Variants in ADAM23 observed in about 807,000 individuals in gnomAD.
The protein encoded by ADAM23 is ADAM metallopeptidase domain 23, also known as disintegrin and metalloproteinase domain-containing protein 23.
Under a neutral mutation model 120.1 loss-of-function variants are expected in ADAM23, and 33 were observed. The ratio of observed to expected loss-of-function variants is 0.27; its 90% CI spans 0.21 to 0.37. ADAM23 has a LOEUF of 0.37. Ranked by LOEUF, ADAM23 falls within the 10% of genes least tolerant of loss-of-function variation. The pLI, the probability that ADAM23 is intolerant of heterozygous loss-of-function variation, is 1.00. For missense variants in ADAM23, 862 were observed against 1,058.2 expected (o/e 0.81, Z 2.57); for synonymous variants, 367 against 375.2 (o/e 0.98, Z 0.25).
chr2:206,505,112 A>G (rs55914934), intron 3 of ADAM23, among the ~76,000 whole-genome samples: 13,491 of 152,216 alleles, frequency 0.089, 675 homozygotes, highest in Admixed American at 0.16. Flanking sequence ...CCTACTAGCT[A>G]TAGAATTTTC....
At chr2:206,458,776 C>G (rs978080716) in intron 2 of ADAM23, among the ~76,000 whole-genome samples, 1 of 152,216 alleles carries the variant, frequency 6.6e-6, no homozygotes, top group African/African-American at 2.4e-5. Context: ...CCCACCTCCT[C>G]TCTTTTCCCC....
At position 206,445,424 on chromosome 2, in the gene ADAM23, T is replaced by C. The variant is rs764288042; in HGVS notation, c.332T>C (p.Ile111Thr). 7 of 1,613,848 alleles carry C rather than the reference T, an allele frequency of 4.3e-6. No homozygotes were observed. Among genetic ancestry groups the C allele is most frequent in the Non-Finnish European group, 5.9e-6 (7 of 1,180,000 alleles). ...TACAGCAATGCAATGCAGAAAGAAA[T>C]CACACTGCCTTCAAGACTCATATAT... ...ISYSNAMQKE[I>T]TLPSRLIYYI... Residue 111 changes from isoleucine to threonine, a missense_variant, in exon 2 of 26, where the codon ATC (isoleucine) becomes ACC (threonine). Ile to Thr is a moderately conservative substitution (Grantham distance 89). Transcript: ENST00000264377.
chr2:206,562,756 A>C (rs979141878), intron 13 of ADAM23, among the ~76,000 whole-genome samples: 3 of 152,236 alleles, frequency 2.0e-5, no homozygotes, highest in Non-Finnish European at 4.4e-5. Context: ...TTGGAGAAAA[A>C]GGCTTTGCAA....
At chr2:206,498,460 G>A (rs1265378839) in intron 3 of ADAM23, among the ~76,000 whole-genome samples, 1 of 152,182 alleles carries the variant, frequency 6.6e-6, no homozygotes, top group Non-Finnish European at 1.5e-5. Flanking sequence ...GTAGAAAGCT[G>A]AAACTGGATC....
chr2:206,570,421 A>G lies in ADAM23; in HGVS notation c.1495-319A>G, dbSNP rs1697972444. Among the ~76,000 whole-genome samples the G allele has an allele frequency of 5.3e-5, 8 of 152,314 alleles. No homozygotes were observed. The South Asian group carries it at 1.7e-3, about 32-fold the overall frequency. The stretch of plus-strand genomic sequence containing the variant: ...ATTAGCAATGCATTTTAGCTCCATT[A>G]GCAAATATGAAAAGTGATCTATTCC... On this transcript the variant is annotated intron_variant, in intron 15 of 25. Coordinates refer to ENST00000264377, the MANE Select transcript of ADAM23 (RefSeq NM_003812.4).
At chr2:206,590,820 T>C (rs1236296558) in intron 21 of ADAM23, among the ~76,000 whole-genome samples, 2 of 152,190 alleles carry the variant, frequency 1.3e-5, no homozygotes, top group Non-Finnish European at 2.9e-5. Flanking sequence ...CCTGAAGTAG[T>C]CAAAATCCAT....
intron 15 of ADAM23, among the ~76,000 whole-genome samples, chr2:206,569,459 G>C (rs1697953679): frequency 6.6e-6 from 1 of 152,124 alleles, no homozygotes; most frequent in Non-Finnish European, 1.5e-5. Flanking sequence ...CAAGCGTTTT[G>C]AATGTATGTA....
intron 2 of ADAM23, among the ~76,000 whole-genome samples, chr2:206,478,171 C>T (rs530610074): frequency 5.9e-5 from 9 of 151,716 alleles, no homozygotes; most frequent in South Asian, 2.1e-4. Context: ...ACTGTCTAAG[C>T]ACTTGCAGAA....
chr2:206,545,589 C>T (rs974914097), intron 6 of ADAM23, among the ~76,000 whole-genome samples: 11 of 151,900 alleles, frequency 7.2e-5, no homozygotes, highest in Non-Finnish European at 1.6e-4. Context: ...TTGGTTATGG[C>T]GATGTATGTA....
At position 206,561,186 on chromosome 2, in the gene ADAM23, C is replaced by A. The variant is rs769432922; in HGVS notation, c.1228C>A (p.Arg410Ser). 6.2e-7 allele frequency: 1 copy of A among 1,613,832 alleles called. No individual in the cohort carries two copies. The highest frequency in any genetic ancestry group is 8.5e-7 in the Non-Finnish European group (1 of 1,179,934). ...GAGTTACTTTGGAGGTGTCTGTTCT[C>A]GCACAAGAGGAGTTGGTGTGAATGA... The part of the protein sequence containing the change: ...SLSYFGGVCS[R>S]TRGVGVNEYG... Residue 410 changes from arginine to serine, a missense_variant, in exon 12 of 26, where the codon CGC becomes AGC. Transcript: ENST00000264377.
intron 4 of ADAM23, among the ~76,000 whole-genome samples, chr2:206,536,694 A>G (rs1432645207): frequency 2.0e-5 from 3 of 152,128 alleles, no homozygotes; most frequent in African/African-American, 4.8e-5. Context: ...ATCATGTTGT[A>G]TATTTTAGAT....
At chr2:206,448,546 A>C (rs980131134) in intron 2 of ADAM23, among the ~76,000 whole-genome samples, 2 of 152,136 alleles carry the variant, frequency 1.3e-5, no homozygotes, top group African/African-American at 4.8e-5. Context: ...GGGGGTCCCT[A>C]AATAGCTTCA....
chr2:206,583,250 C>A (rs550821064), intron 18 of ADAM23, among the ~76,000 whole-genome samples: 1 of 152,106 alleles, frequency 6.6e-6, no homozygotes, highest in Non-Finnish European at 1.5e-5. Flanking sequence ...GTCAGGAGAT[C>A]GAGACCATCC....
chr2:206,538,724 C>T (rs1424052279), intron 4 of ADAM23, among the ~76,000 whole-genome samples: 1 of 152,160 alleles, frequency 6.6e-6, no homozygotes, highest in Non-Finnish European at 1.5e-5. Context: ...TCTATTTCCA[C>T]TAAAATGAGT....
chr2:206,565,987 TAG>T (rs1697869351), intron 14 of ADAM23, among the ~76,000 whole-genome samples: 1 of 152,072 alleles, frequency 6.6e-6, no homozygotes, highest in South Asian at 2.1e-4. Flanking sequence ...TTTCTAGAAA[TAG>T]AGTTTAAAAC....
intron 17 of ADAM23, among the ~76,000 whole-genome samples, chr2:206,572,046 A>G (rs1698012379): frequency 6.6e-6 from 1 of 152,196 alleles, no homozygotes; most frequent in Non-Finnish European, 1.5e-5. Context: ...TTAGGAAAAT[A>G]TACCTAAACT....
intron 3 of ADAM23, among the ~76,000 whole-genome samples, chr2:206,488,252 G>A (rs12104784): frequency 0.043 from 6,563 of 152,274 alleles, 480 homozygotes; most frequent in African/African-American, 0.15. Context: ...CAACACGGGG[G>A]AATTCAGAGC....
chr2:206,617,397 A>G (rs1194348392), intron 25 of ADAM23, among the ~76,000 whole-genome samples, 182 bp from the exon 26 acceptor site: 1 of 152,236 alleles, frequency 6.6e-6, no homozygotes, highest in African/African-American at 2.4e-5. Flanking sequence ...AAGACATTCA[A>G]AAACATTAGC....
chr2:206,552,553 T>C (rs1553560118), intron 9 of ADAM23, among the ~76,000 whole-genome samples: 1 of 152,154 alleles, frequency 6.6e-6, no homozygotes, highest in Non-Finnish European at 1.5e-5. Flanking sequence ...GTAGAAAATT[T>C]CTACACACCA....
Sources: allele counts gnomAD v4.1 joint callset (sites outside exome capture counted in the v4.1 genomes callset), GRCh38; gene constraint gnomAD v4.1.1; transcripts MANE v1.5; gene names NCBI Gene and HGNC (gene_info 2026-07-23, HGNC 2026-07-21).